MACROD2: variants seen among roughly 807,000 people sequenced by gnomAD.
MACROD2 encodes the protein ADP-ribose glycohydrolase MACROD2.
Under a neutral mutation model 70.4 loss-of-function variants are expected in MACROD2, and 36 were observed. That is an observed-to-expected ratio of 0.51 (90% CI 0.39 to 0.68). The LOEUF is 0.68. MACROD2 is among the 30% of genes least tolerant of loss of function. The probability of loss-of-function intolerance (pLI) is 0.00; values close to 1 mark genes in which losing one functional copy is unlikely to be tolerated. For missense variants in MACROD2, 496 were observed against 538.4 expected (o/e 0.92, Z 0.78); for synonymous variants, 172 against 178.8 (o/e 0.96, Z 0.30).
intron 7 of MACROD2, among the ~76,000 whole-genome samples, chr20:15,479,059 C>CT (rs2047059616): frequency 6.6e-6 from 1 of 152,138 alleles, no homozygotes; most frequent in Non-Finnish European, 1.5e-5. Context: ...TAAAGACTTC[C>CT]TTCATGAAAG....
intron 7 of MACROD2, among the ~76,000 whole-genome samples, chr20:15,456,303 C>A (rs931763910): frequency 6.6e-6 from 1 of 152,174 alleles, no homozygotes; most frequent in Non-Finnish European, 1.5e-5. Flanking sequence ...ACAGTTCCTT[C>A]CCCTGGGAGA....
At chr20:14,911,708 T>C (rs1342154988) in intron 5 of MACROD2, among the ~76,000 whole-genome samples, 2 of 152,080 alleles carry the variant, frequency 1.3e-5, no homozygotes, top group African/African-American at 2.4e-5. Context: ...TTCTTCTTGC[T>C]GATAGAGATC....
chr20:14,831,149 CTCACCACCTACCATA>C (rs1411301679), intron 5 of MACROD2, among the ~76,000 whole-genome samples: 1 of 152,000 alleles, frequency 6.6e-6, no homozygotes, highest in Non-Finnish European at 1.5e-5. Flanking sequence ...CTGCTGTCAC[CTCACCACCTACCATA>C]AGGCCTAATA....
chr20:14,955,779 A>G (rs928080976), intron 5 of MACROD2, among the ~76,000 whole-genome samples: 8 of 152,140 alleles, frequency 5.3e-5, no homozygotes, highest in Admixed American at 2.6e-4. Flanking sequence ...TGGGGCCCCA[A>G]AACTATAGAC....
chr20:15,350,581 T>G (rs2078217178), intron 6 of MACROD2, among the ~76,000 whole-genome samples: 1 of 152,188 alleles, frequency 6.6e-6, no homozygotes, highest in South Asian at 2.1e-4. Flanking sequence ...GTATTAGGAT[T>G]TGAGCATTAT....
chr20:15,897,166 T>C (rs1231388933), intron 10 of MACROD2, among the ~76,000 whole-genome samples: 1 of 152,160 alleles, frequency 6.6e-6, no homozygotes, highest in African/African-American at 2.4e-5. Context: ...ATGGTATTAT[T>C]TTGCATTATT....
intron 6 of MACROD2, among the ~76,000 whole-genome samples, chr20:15,279,261 T>G (rs776895968): frequency 3.3e-5 from 5 of 152,200 alleles, no homozygotes; most frequent in Non-Finnish European, 7.3e-5. Flanking sequence ...TTTTGAACCC[T>G]CACTGCTGCC....
intron 10 of MACROD2, among the ~76,000 whole-genome samples, chr20:15,900,613 GAA>G (rs2065049715): frequency 6.6e-6 from 1 of 152,194 alleles, no homozygotes; most frequent in Non-Finnish European, 1.5e-5. Flanking sequence ...GAGAAGGGCT[GAA>G]TCTACCAAGG....
rs554815571 is a variant in MACROD2, at chr20:14,449,823, G to T, written c.272-43656G>T. On this transcript the variant is annotated intron_variant, in intron 3 of 17. Coordinates refer to ENST00000684519, the MANE Select transcript of MACROD2 (RefSeq NM_001351661.2). ...GAATCAGCAACTAGAATCTGAGTCTGTTTGATTTCAAAGCCTATGTTCTTA... is the reference window on the plus strand; with the variant it reads ...GAATCAGCAACTAGAATCTGAGTCTTTTTGATTTCAAAGCCTATGTTCTTA... Among the ~76,000 whole-genome samples the T allele has an allele frequency of 1.5e-4, 23 of 152,208 alleles. No individual in the cohort carries two copies. In the East Asian group the frequency reaches 2.1e-3, roughly 14 times the overall value.
At chr20:15,096,506 TTTTG>T (rs1332900975) in intron 5 of MACROD2, among the ~76,000 whole-genome samples, 1 of 148,758 alleles carries the variant, frequency 6.7e-6, no homozygotes, top group Non-Finnish European at 1.5e-5. Context: ...AATATATGTT[TTTTG>T]TTTGTTCCTT....
At chr20:14,479,887 T>A (rs186542940) in intron 3 of MACROD2, among the ~76,000 whole-genome samples, 2 of 152,342 alleles carry the variant, frequency 1.3e-5, no homozygotes, top group African/African-American at 4.8e-5. Context: ...ATATCTTTTT[T>A]TAAATAAGAT....
intron 7 of MACROD2, among the ~76,000 whole-genome samples, chr20:15,455,646 C>T (rs1347179707): frequency 6.6e-6 from 1 of 151,962 alleles, no homozygotes; most frequent in African/African-American, 2.4e-5. Flanking sequence ...TCAGGCCTGT[C>T]GAAATCTTTT....
chr20:14,239,386 T>C (rs1009176483), intron 3 of MACROD2, among the ~76,000 whole-genome samples: 1 of 152,186 alleles, frequency 6.6e-6, no homozygotes, highest in African/African-American at 2.4e-5. Flanking sequence ...AAAATTCATA[T>C]GGAACAACAA....
At chr20:15,199,259 G>C (rs769984634) in intron 5 of MACROD2, among the ~76,000 whole-genome samples, 1 of 152,074 alleles carries the variant, frequency 6.6e-6, no homozygotes, top group African/African-American at 2.4e-5. Flanking sequence ...GGGGGACTGA[G>C]GTGGGAGGAT....
chr20:14,365,173 C>T (rs2083260448), intron 3 of MACROD2, among the ~76,000 whole-genome samples: 1 of 151,978 alleles, frequency 6.6e-6, no homozygotes, highest in South Asian at 2.1e-4. Context: ...TGATATTTTC[C>T]ATTTCTTCTT....
chr20:15,315,589 T>C (rs2077800803), intron 6 of MACROD2, among the ~76,000 whole-genome samples: 1 of 152,198 alleles, frequency 6.6e-6, no homozygotes, highest in Non-Finnish European at 1.5e-5. Context: ...CCAAGAATTC[T>C]ATATCTGACA....
intron 4 of MACROD2, among the ~76,000 whole-genome samples, chr20:14,556,452 C>G (rs1389598324): frequency 6.6e-6 from 1 of 152,022 alleles, no homozygotes; most frequent in Non-Finnish European, 1.5e-5. Context: ...CCAGAACTGC[C>G]AGAAAGTACA....
intron 4 of MACROD2, among the ~76,000 whole-genome samples, chr20:14,564,877 C>T (rs1418497140): frequency 6.6e-6 from 1 of 151,836 alleles, no homozygotes; most frequent in African/African-American, 2.4e-5. Flanking sequence ...CAAAAAGACC[C>T]CTGTGTTCAT....
intron 4 of MACROD2, among the ~76,000 whole-genome samples, chr20:14,520,520 C>G (rs1477796076): frequency 1.4e-5 from 2 of 146,710 alleles, no homozygotes; most frequent in Non-Finnish European, 3.0e-5. Context: ...TCTACAGCTT[C>G]TTTTCTGGCC....
Sources: allele counts gnomAD v4.1 joint callset (sites outside exome capture counted in the v4.1 genomes callset), GRCh38; gene constraint gnomAD v4.1.1; transcripts MANE v1.5; gene names NCBI Gene and HGNC (gene_info 2026-07-23, HGNC 2026-07-21).